The following NIBAN1 variants were observed in gnomAD, a reference collection of about 807,000 sequenced individuals.
NIBAN1 encodes niban apoptosis regulator 1, also known as protein Niban 1.
NIBAN1 carries 81 observed loss-of-function variants against 75.1 expected under a neutral mutation model. That is an observed-to-expected ratio of 1.08 (90% CI 0.90 to 1.30). The LOEUF (loss-of-function observed/expected upper bound fraction) is 1.30, where lower values mean the gene tolerates loss of function less well. NIBAN1 is among the 50% of genes most tolerant of loss of function. The pLI, the probability that NIBAN1 is intolerant of heterozygous loss-of-function variation, is 0.00. For synonymous variants in NIBAN1, 436 were observed against 424.8 expected, an observed-to-expected ratio of 1.03 and a Z score of -0.32; for missense variants, 1,133 against 1,128.1, an observed-to-expected ratio of 1.00 and a Z score of -0.06.
intron 1 of NIBAN1, among the ~76,000 whole-genome samples, chr1:184,952,056 T>A (rs1369639676): frequency 1.3e-5 from 2 of 152,216 alleles, no homozygotes; most frequent in Non-Finnish European, 2.9e-5. Context: ...CAGGGCATAT[T>A]TCTATTTGAT....
intron 1 of NIBAN1, among the ~76,000 whole-genome samples, chr1:184,928,293 A>G (rs1657733796): frequency 6.6e-6 from 1 of 152,020 alleles, no homozygotes; most frequent in African/African-American, 2.4e-5. Flanking sequence ...AGGAGATGCA[A>G]GCTGTGCAGC....
chr1:184,946,191 G>T (rs971836852), intron 1 of NIBAN1, among the ~76,000 whole-genome samples: 2 of 152,160 alleles, frequency 1.3e-5, no homozygotes, highest in Non-Finnish European at 2.9e-5. Flanking sequence ...ACATCATGTT[G>T]CTGGAATAAC....
At chr1:184,861,218 G>C (rs1271534023) in intron 5 of NIBAN1, among the ~76,000 whole-genome samples, 3 of 152,196 alleles carry the variant, frequency 2.0e-5, no homozygotes, top group Non-Finnish European at 2.9e-5. Context: ...GCCAGCTCTT[G>C]CTCCAGACCA....
Position 184,921,296 on chromosome 1 carries a change from T to A in NIBAN1, c.56-21987A>T, listed in dbSNP as rs1435823542. Among the ~76,000 whole-genome samples, 4 of 151,734 alleles carry A rather than the reference T, an allele frequency of 2.6e-5. No homozygotes were observed. The East Asian group carries it at 7.7e-4, about 29-fold the overall frequency. On this transcript the variant is annotated intron_variant, in intron 1 of 13. Coordinates refer to ENST00000367511, the MANE Select transcript of NIBAN1 (RefSeq NM_052966.4). Reference sequence around the variant, plus strand: ...TGGGCAACAAGGGTGAAACTCTGTCTCAAAAAAAAAATTTGTAAAACATAT... The same window carrying A: ...TGGGCAACAAGGGTGAAACTCTGTCACAAAAAAAAAATTTGTAAAACATAT...
intron 1 of NIBAN1, among the ~76,000 whole-genome samples, chr1:184,951,217 A>C (rs1187664517): frequency 2.0e-5 from 3 of 152,234 alleles, no homozygotes; most frequent in Non-Finnish European, 4.4e-5. Flanking sequence ...TGCAAATGAT[A>C]ACAGTACCTA....
intron 6 of NIBAN1, among the ~76,000 whole-genome samples, chr1:184,827,094 G>A (rs1316767311): frequency 2.0e-5 from 3 of 152,110 alleles, no homozygotes; most frequent in Non-Finnish European, 4.4e-5. Flanking sequence ...CATGTAAGAT[G>A]CGCCTTTCAC....
At chr1:184,925,965 C>T (rs571505972) in intron 1 of NIBAN1, among the ~76,000 whole-genome samples, 8 of 152,264 alleles carry the variant, frequency 5.3e-5, no homozygotes, top group East Asian at 1.9e-4. Context: ...TGCTCATTAA[C>T]GCCCTTTACT....
At chr1:184,955,027 C>T (rs1658448186) in intron 1 of NIBAN1, among the ~76,000 whole-genome samples, 2 of 152,136 alleles carry the variant, frequency 1.3e-5, no homozygotes, top group Non-Finnish European at 2.9e-5. Context: ...TTTTTAAAAA[C>T]TGATTACATT....
rs1250608920 is a variant in NIBAN1, at chr1:184,894,209, T to A, written c.187-3A>T. On this transcript the variant is annotated splice_polypyrimidine_tract_variant and splice_region_variant and intron_variant, in intron 2 of 13. Coordinates refer to ENST00000367511, the MANE Select transcript of NIBAN1 (RefSeq NM_052966.4). ...ATAGTTCCAGGCGCCAATGGTGGCT[T>A]AAAGAAGATGAATACAATTAACTAT... 1.8e-5 allele frequency: 28 copies of A among 1,596,352 alleles called. No homozygotes were observed. Among genetic ancestry groups the A allele is most frequent in the Non-Finnish European group, 2.3e-5 (27 of 1,174,210 alleles).
chr1:184,844,247 C>A (rs1162099456), intron 5 of NIBAN1, among the ~76,000 whole-genome samples: 1 of 152,160 alleles, frequency 6.6e-6, no homozygotes, highest in East Asian at 1.9e-4. Flanking sequence ...ACACTTTCTA[C>A]AAGTAAAGGC....
intron 1 of NIBAN1, among the ~76,000 whole-genome samples, chr1:184,969,901 C>T (rs1462708807): frequency 6.6e-6 from 1 of 152,012 alleles, no homozygotes; most frequent in Non-Finnish European, 1.5e-5. Flanking sequence ...CACAGAGGCT[C>T]ATGCCTGTAA....
rs115146178 is a variant in NIBAN1 at position 184,867,955 on chromosome 1, T to C, written c.601+16678A>G. ...ACGGGACAGTGTGGCAGTCTAATAGTTTCTAGGGAAAGGTGGGGAAGGAAA... is the reference window on the plus strand; with the variant it reads ...ACGGGACAGTGTGGCAGTCTAATAGCTTCTAGGGAAAGGTGGGGAAGGAAA... On this transcript the variant is annotated intron_variant, in intron 5 of 13. Transcript: ENST00000367511. 1,535 of 985,394 alleles carry C rather than the reference T, an allele frequency of 1.6e-3. 20 individuals are homozygous for C. The African/African-American group carries it at 0.024, about 15-fold the overall frequency. 61.0% of individuals were successfully genotyped at this position (985,394 alleles called of 1,614,324 possible).
chr1:184,797,823 T>C (rs1055036127), intron 13 of NIBAN1, among the ~76,000 whole-genome samples: 2 of 152,200 alleles, frequency 1.3e-5, no homozygotes, highest in Admixed American at 6.5e-5. Flanking sequence ...AAAATTCCCA[T>C]CTCACAGCAT....
At chr1:184,813,826 C>T (rs111581591) in intron 9 of NIBAN1, among the ~76,000 whole-genome samples, 15 of 152,268 alleles carry the variant, frequency 9.9e-5, no homozygotes, top group African/African-American at 3.4e-4. Flanking sequence ...ACATGGAGTT[C>T]GATGCTGGAA....
At chr1:184,819,590 G>A (rs114956934) in intron 8 of NIBAN1, among the ~76,000 whole-genome samples, 41 of 152,302 alleles carry the variant, frequency 2.7e-4, no homozygotes, top group African/African-American at 8.9e-4. Flanking sequence ...CAGAGCAGAG[G>A]TAACTCTCAT....
chr1:184,913,154 T>TA lies in NIBAN1; in HGVS notation c.56-13846_56-13845insT, dbSNP rs1553227228. On this transcript the variant is annotated intron_variant, in intron 1 of 13. Coordinates refer to ENST00000367511, the MANE Select transcript of NIBAN1 (RefSeq NM_052966.4). ...TCATGCAGGTATATATATATATATA[T>TA]TATATATATATGCCTTTCATACCAT... is the stretch of plus-strand genomic sequence containing the variant. 1.2e-3 allele frequency among the ~76,000 whole-genome samples: 174 copies of TA among 146,662 alleles called. 1 individual carries two copies. Among genetic ancestry groups the TA allele is most frequent in the African/African-American group, 4.2e-3 (168 of 40,430 alleles).
At chr1:184,858,071 T>C (rs530586941) in intron 5 of NIBAN1, among the ~76,000 whole-genome samples, 2 of 152,202 alleles carry the variant, frequency 1.3e-5, no homozygotes, top group African/African-American at 4.8e-5. Flanking sequence ...TGCATAAAAA[T>C]AGACACCTTT....
At chr1:184,929,678 C>T (rs1215980612) in intron 1 of NIBAN1, among the ~76,000 whole-genome samples, 1 of 152,112 alleles carries the variant, frequency 6.6e-6, no homozygotes, top group Non-Finnish European at 1.5e-5. Flanking sequence ...TCCTCCACCA[C>T]ATGAGTTGTA....
chr1:184,827,397 T>C (rs935720059), intron 6 of NIBAN1, among the ~76,000 whole-genome samples: 1 of 151,974 alleles, frequency 6.6e-6, no homozygotes, highest in Non-Finnish European at 1.5e-5. Context: ...TGGCATTCCC[T>C]ACCATGGTCT....
Sources: allele counts gnomAD v4.1 joint callset (sites outside exome capture counted in the v4.1 genomes callset), GRCh38; gene constraint gnomAD v4.1.1; transcripts MANE v1.5; gene names NCBI Gene and HGNC (gene_info 2026-07-23, HGNC 2026-07-21).